ARHGEF3: variants seen among roughly 807,000 people sequenced by gnomAD.
The protein encoded by ARHGEF3 is Rho guanine nucleotide exchange factor 3, also known as 59.8 kDA protein.
A neutral mutation model predicts 63.2 loss-of-function variants in ARHGEF3; 28 were observed. The ratio of observed to expected loss-of-function variants is 0.44; its 90% CI spans 0.33 to 0.61. The LOEUF is 0.61. ARHGEF3 is among the 20% of genes least tolerant of loss of function. The pLI, the probability that ARHGEF3 is intolerant of heterozygous loss-of-function variation, is 0.03. For synonymous variants in ARHGEF3, 266 were observed against 254.2 expected, an observed-to-expected ratio of 1.05 and a Z score of -0.44; for missense variants, 533 against 659.3, an observed-to-expected ratio of 0.81 and a Z score of 2.10.
chr3:57,003,776 A>G (rs1680730997), intron 2 of ARHGEF3, among the ~76,000 whole-genome samples: 1 of 152,188 alleles, frequency 6.6e-6, no homozygotes, highest in Non-Finnish European at 1.5e-5. Flanking sequence ...CAGAGGTCAG[A>G]GTCATGCCAG....
At chr3:57,042,846 G>A (rs1264943596) in intron 1 of ARHGEF3, among the ~76,000 whole-genome samples, 1 of 150,132 alleles carries the variant, frequency 6.7e-6, no homozygotes, top group Non-Finnish European at 1.5e-5. Flanking sequence ...ACAGGCGCCC[G>A]CCACCATGCT....
chr3:56,752,982 G>C (rs563939673), intron 4 of ARHGEF3, among the ~76,000 whole-genome samples: 1 of 152,166 alleles, frequency 6.6e-6, no homozygotes, highest in Non-Finnish European at 1.5e-5. Context: ...TGTGCCACTG[G>C]AACGAAAATG....
intron 1 of ARHGEF3, among the ~76,000 whole-genome samples, chr3:57,040,225 C>T (rs182323930): frequency 3.3e-5 from 5 of 152,308 alleles, no homozygotes; most frequent in Admixed American, 6.5e-5. Flanking sequence ...TGCCTGTAAT[C>T]CCAGCACTTT....
chr3:57,056,192 C>A (rs1173222355), intron 1 of ARHGEF3, among the ~76,000 whole-genome samples: 1 of 151,950 alleles, frequency 6.6e-6, no homozygotes, highest in Non-Finnish European at 1.5e-5. Flanking sequence ...TCGAGACCAT[C>A]CTGGCTAACA....
intron 2 of ARHGEF3, among the ~76,000 whole-genome samples, chr3:57,031,241 GTGAA>G (rs1295743630): frequency 1.3e-5 from 2 of 152,202 alleles, no homozygotes; most frequent in African/African-American, 2.4e-5. Context: ...AGTCCAATAG[GTGAA>G]AGAGACACTA....
At chr3:56,754,313 A>C (rs1402638785) in intron 3 of ARHGEF3, among the ~76,000 whole-genome samples, 1 of 152,260 alleles carries the variant, frequency 6.6e-6, no homozygotes, top group Non-Finnish European at 1.5e-5. Context: ...TTAAAGGAGT[A>C]CAAGTTTGTA....
At chr3:56,849,359 T>C (rs764498782) in intron 4 of ARHGEF3, among the ~76,000 whole-genome samples, 1 of 152,204 alleles carries the variant, frequency 6.6e-6, no homozygotes, top group Non-Finnish European at 1.5e-5. Flanking sequence ...ATACAATCTG[T>C]ACGTATATTG....
At chr3:56,912,092 C>T (rs1313418113) in intron 3 of ARHGEF3, among the ~76,000 whole-genome samples, 1 of 142,878 alleles carries the variant, frequency 7.0e-6, no homozygotes, top group Non-Finnish European at 1.6e-5. Flanking sequence ...TAAACACATT[C>T]ATTAAATCAT....
chr3:57,035,515 A>C (rs1299220601), intron 1 of ARHGEF3, among the ~76,000 whole-genome samples: 2 of 152,114 alleles, frequency 1.3e-5, no homozygotes, highest in African/African-American at 4.8e-5. Context: ...CACCCGGCTA[A>C]TTTTTGTATT....
At chr3:56,972,772 G>A (rs1380178233) in intron 2 of ARHGEF3, among the ~76,000 whole-genome samples, 2 of 152,058 alleles carry the variant, frequency 1.3e-5, no homozygotes, top group African/African-American at 2.4e-5. Context: ...TTACTGCAAG[G>A]TCTCTGGATT....
At chr3:56,737,046 C>G in intron 8 of ARHGEF3, 139 bp downstream of exon 8, 2 of 1,001,126 alleles carry the variant, frequency 2.0e-6, no homozygotes, top group East Asian at 5.2e-5. Flanking sequence ...AGTGAGCCAG[C>G]CTGGGTGACA....
At chr3:57,070,760 A>G (rs542940147) in intron 1 of ARHGEF3, among the ~76,000 whole-genome samples, 1 of 152,064 alleles carries the variant, frequency 6.6e-6, no homozygotes, top group Non-Finnish European at 1.5e-5. Context: ...GGAGTTTGAG[A>G]CCAGCCTGGG....
At chr3:56,921,227 A>AC (rs1370283519) in intron 3 of ARHGEF3, among the ~76,000 whole-genome samples, 1 of 148,702 alleles carries the variant, frequency 6.7e-6, no homozygotes, top group Non-Finnish European at 1.5e-5. Flanking sequence ...AAAGACCAAA[A>AC]AAAAAAAGGT....
At chr3:56,829,601 C>T (rs1456409564) in intron 4 of ARHGEF3, among the ~76,000 whole-genome samples, 1 of 152,210 alleles carries the variant, frequency 6.6e-6, no homozygotes, top group Non-Finnish European at 1.5e-5. Flanking sequence ...CTGCCAACCC[C>T]CACAGACAGA....
At chr3:56,755,581 C>T (rs988515838) in intron 2 of ARHGEF3, among the ~76,000 whole-genome samples, 1 of 152,206 alleles carries the variant, frequency 6.6e-6, no homozygotes, top group Non-Finnish European at 1.5e-5. Flanking sequence ...TAAATAGAAT[C>T]CCACTAACTT....
At chr3:56,830,668 G>A (rs1014606716) in intron 4 of ARHGEF3, among the ~76,000 whole-genome samples, 1 of 152,280 alleles carries the variant, frequency 6.6e-6, no homozygotes, top group Non-Finnish European at 1.5e-5. Context: ...ATCTGGTGCT[G>A]TTCGCCTCTC....
At chr3:56,963,385 A>G (rs1488804506) in intron 2 of ARHGEF3, among the ~76,000 whole-genome samples, 2 of 152,156 alleles carry the variant, frequency 1.3e-5, no homozygotes, top group Non-Finnish European at 2.9e-5. Flanking sequence ...AGGACTGGGT[A>G]AAATATACAC....
At chr3:57,056,908 C>T (rs1704964523) in intron 1 of ARHGEF3, among the ~76,000 whole-genome samples, 1 of 151,992 alleles carries the variant, frequency 6.6e-6, no homozygotes, top group Non-Finnish European at 1.5e-5. Context: ...ACAAAGGCTC[C>T]TCTTGGCCTT....
intron 2 of ARHGEF3, among the ~76,000 whole-genome samples, chr3:57,033,973 A>C (rs187947915): frequency 1.3e-5 from 2 of 152,056 alleles, no homozygotes; most frequent in African/African-American, 4.8e-5. Context: ...TGAACCCAGG[A>C]GGTGGAGGTT....
Sources: allele counts gnomAD v4.1 joint callset (sites outside exome capture counted in the v4.1 genomes callset), GRCh38; gene constraint gnomAD v4.1.1; transcripts MANE v1.5; gene names NCBI Gene and HGNC (gene_info 2026-07-23, HGNC 2026-07-21).